The following KAT7 variants were observed in gnomAD, a reference collection of about 807,000 sequenced individuals.
The protein encoded by KAT7 is histone acetyltransferase KAT7.
In KAT7, 10 loss-of-function variants were observed where a neutral mutation model predicts 82.1. The observed-to-expected ratio is 0.12, with a 90% CI of 0.08 to 0.21. The LOEUF is 0.21. Among genes scored for constraint, KAT7 ranks in the 10% least tolerant of loss-of-function variants. KAT7 has a pLI of 1.00. For synonymous variants in KAT7, 250 were observed against 262.5 expected (o/e 0.95, Z 0.46); for missense variants, 378 against 760.9 (o/e 0.50, Z 5.92).
Position 49,796,942 on chromosome 17 carries a change from A to G in KAT7, c.340+16A>G. On this transcript the variant is annotated intron_variant, in intron 3 of 14. Transcript: ENST00000259021. ...TCAGATAGAGGTGAGTGGGTATGGT[A>G]TGACTTAGACCTATTACAGAGCATC... The G allele has an allele frequency of 1.2e-6, 2 of 1,612,198 alleles. No homozygotes were observed. The highest frequency in any genetic ancestry group is 1.7e-6 in the Non-Finnish European group (2 of 1,178,370).
chr17:49,816,971 A>G (rs1468140322), intron 8 of KAT7, among the ~76,000 whole-genome samples: 3 of 152,016 alleles, frequency 2.0e-5, no homozygotes, highest in Admixed American at 1.3e-4. Flanking sequence ...CACTACACCC[A>G]TCCCAGAAAT....
At chr17:49,790,732 T>C (rs2073876805) in intron 1 of KAT7, among the ~76,000 whole-genome samples, 1 of 152,188 alleles carries the variant, frequency 6.6e-6, no homozygotes, top group Non-Finnish European at 1.5e-5. Context: ...ACTATTATGT[T>C]TTGTTATTGG....
rs2074426848 is a variant in KAT7 at position 49,831,769 on chromosome 17, T to A, written c.*4267T>A. Reference sequence around the variant, plus strand: ...TCTGCCTCCCGGGTTCATGCCATTCTTCTGCTTCAGTCTCCCGAGTAGCTG... The same window carrying A: ...TCTGCCTCCCGGGTTCATGCCATTCATCTGCTTCAGTCTCCCGAGTAGCTG... On this transcript the variant is annotated 3_prime_UTR_variant, in exon 15 of 15. Transcript: ENST00000259021. 1 of 152,200 alleles carries A rather than the reference T, an allele frequency of 6.6e-6. No individual in the cohort carries two copies. The highest frequency in any genetic ancestry group is 6.5e-5 in the Admixed American group (1 of 15,278). 9.4% of individuals were successfully genotyped at this position (152,200 alleles called of 1,614,324 possible).
intron 5 of KAT7, among the ~76,000 whole-genome samples, 199 bp downstream of exon 5, chr17:49,805,644 T>C (rs1470050680): frequency 6.6e-6 from 1 of 152,238 alleles, no homozygotes; most frequent in African/African-American, 2.4e-5. Context: ...TAATATGTAA[T>C]GAGTGCTTTG....
At chr17:49,797,778 T>A (rs1346622742) in intron 3 of KAT7, among the ~76,000 whole-genome samples, 1 of 152,210 alleles carries the variant, frequency 6.6e-6, no homozygotes, top group African/African-American at 2.4e-5. Context: ...ATAGTAGTTG[T>A]CCCCTTTAGA....
Position 49,815,783 on chromosome 17 carries a change from C to T in KAT7, c.853-20C>T, listed in dbSNP as rs771573782. The T allele has an allele frequency of 7.7e-6, 11 of 1,420,528 alleles. No homozygotes were observed. The East Asian group carries it at 1.4e-4, about 18-fold the overall frequency. The allele number at this position is 1,420,528 out of a possible 1,614,324, so 88.0% of individuals were successfully genotyped here. A position where few individuals can be genotyped will look rare whatever the true frequency, so the allele number is the denominator to read the frequency against. ...AGAAGCAGAGAGTATCAGAGTATCA[C>T]GCTCTGGTTATTTTCCTAGGAACAC... On this transcript the variant is annotated intron_variant, in intron 7 of 14. Coordinates refer to ENST00000259021, the MANE Select transcript of KAT7 (RefSeq NM_007067.5).
chr17:49,827,017 G>A (rs755567930), intron 14 of KAT7: 1 of 475,284 alleles, frequency 2.1e-6, no homozygotes, highest in Non-Finnish European at 3.8e-6. Flanking sequence ...GATGACACAA[G>A]TTAAGCAGCT....
intron 3 of KAT7, among the ~76,000 whole-genome samples, chr17:49,797,789 T>C (rs1188703365): frequency 6.6e-6 from 1 of 152,252 alleles, no homozygotes; most frequent in African/African-American, 2.4e-5. Context: ...CCCCTTTAGA[T>C]GGACAATGAG....
chr17:49,797,971 G>A (rs572017140), intron 3 of KAT7, among the ~76,000 whole-genome samples: 5 of 152,216 alleles, frequency 3.3e-5, no homozygotes, highest in Non-Finnish European at 5.9e-5. Flanking sequence ...GATAATCACT[G>A]TCACTTATCT....
intron 5 of KAT7, among the ~76,000 whole-genome samples, chr17:49,808,115 G>A (rs1290798340): frequency 7.0e-6 from 1 of 141,878 alleles, no homozygotes; most frequent in Non-Finnish European, 1.5e-5. Flanking sequence ...TTGAACCCAG[G>A]TTTTCTTTTT....
intron 9 of KAT7, among the ~76,000 whole-genome samples, chr17:49,819,183 T>C (rs1323325572): frequency 6.6e-6 from 1 of 152,156 alleles, no homozygotes; most frequent in Non-Finnish European, 1.5e-5. Context: ...TATACTCTTC[T>C]CCCCAGTTTG....
chr17:49,811,551 A>G lies in KAT7; in HGVS notation c.829A>G (p.Lys277Glu). 1.3e-6 allele frequency: 2 copies of G among 1,517,688 alleles called. No homozygotes were observed. Among genetic ancestry groups the G allele is most frequent in the Non-Finnish European group, 1.8e-6 (2 of 1,126,606 alleles). 94.0% of individuals were successfully genotyped at this position (1,517,688 alleles called of 1,614,324 possible). The change falls in exon 7 of 15, where the codon AAA becomes GAA. Residue 277 changes from lysine (K) to glutamate (E), a missense_variant. Lys to Glu is a moderately conservative substitution (Grantham distance 56). Transcript: ENST00000259021. The stretch of plus-strand genomic sequence containing the variant: ...GAAGAAAAGAAATTCTGGACTGAGC[A>G]AAGAACAGAAAGAGAAATATATGGT... ...LRKKRNSGLS[K>E]EQKEKYMEHR...
At chr17:49,789,082 A>G (rs937438344) in intron 1 of KAT7, 2 of 401,248 alleles carry the variant, frequency 5.0e-6, no homozygotes, top group East Asian at 7.5e-5. Context: ...AGGCGTTCTT[A>G]TTAATTGGTC....
At position 49,817,846 on chromosome 17, in the gene KAT7, C is replaced by T. The variant is rs756427863; in HGVS notation, c.990C>T (p.Ile330=). The T allele has an allele frequency of 3.7e-6, 6 of 1,612,432 alleles. No homozygotes were observed. The highest frequency in any genetic ancestry group is 2.2e-5 in the South Asian group (2 of 91,010). The change falls in exon 9 of 15, where the codon ATC becomes ATT. Residue 330 remains isoleucine, a synonymous_variant. Coordinates refer to ENST00000259021, the MANE Select transcript of KAT7 (RefSeq NM_007067.5). The stretch of plus-strand genomic sequence containing the variant: ...AGAAGTTAAGGCTGCAAGGCCAAAT[C>T]ACAGAGGGAAGCAACATGATTAAAA... ...DLEKLRLQGQ[I]TEGSNMIKTI... is the part of the protein sequence containing the mutation.
At chr17:49,818,050 C>T (rs1208646612) in intron 9 of KAT7, 39 bp downstream of exon 9, 2 of 1,536,206 alleles carry the variant, frequency 1.3e-6, no homozygotes, top group Non-Finnish European at 1.8e-6. Context: ...ACCATGATGG[C>T]AATAAGCTGT....
At position 49,808,652 on chromosome 17, in the gene KAT7, A is replaced by G. The variant is rs952146545; in HGVS notation, c.664-467A>G. Among the ~76,000 whole-genome samples the G allele has an allele frequency of 3.9e-5, 6 of 151,972 alleles. No individual in the cohort carries two copies. In the East Asian group the frequency reaches 7.8e-4, roughly 20 times the overall value. On this transcript the variant is annotated intron_variant, in intron 5 of 14. Coordinates refer to ENST00000259021, the MANE Select transcript of KAT7 (RefSeq NM_007067.5). ...TTTTTAATAGAGACGGGGTTTCACC[A>G]TGTTGGCCAGGCTGGTCTCAAACTC...
chr17:49,801,482 G>C (rs1233636985), intron 4 of KAT7, among the ~76,000 whole-genome samples: 1 of 151,982 alleles, frequency 6.6e-6, no homozygotes, highest in Admixed American at 6.6e-5. Flanking sequence ...ATATGAACCC[G>C]AGCTTCCAAA....
intron 13 of KAT7, chr17:49,826,459 C>G (rs1249117139): frequency 1.9e-6 from 1 of 519,128 alleles, no homozygotes; most frequent in African/African-American, 1.9e-5. Flanking sequence ...TTAGTTTGAT[C>G]TATATTTGAT....
In KAT7 at chr17:49,788,713, C is replaced by A; in HGVS notation, c.-122C>A. 9.4e-7 allele frequency: 1 copy of A among 1,062,806 alleles called. No homozygotes were observed. The highest frequency in any genetic ancestry group is 1.3e-6 in the Non-Finnish European group (1 of 750,390). The allele number at this position is 1,062,806 out of a possible 1,614,324, so 65.8% of individuals were successfully genotyped here. ...GCTCCAGACGCTGAGAGGCAGGAGG[C>A]ACTAGGGATCGTCCGCAGGATTGGG... On this transcript the variant is annotated 5_prime_UTR_variant, in exon 1 of 15. Transcript: ENST00000259021.
Sources: gnomAD v4.1 joint callset for allele counts (sites outside exome capture counted in the v4.1 genomes callset) on GRCh38, gnomAD v4.1.1 for gene constraint, MANE v1.5 for transcripts, NCBI Gene and HGNC (gene_info 2026-07-23, HGNC 2026-07-21) for gene names.